RIN2: variants seen among roughly 807,000 people sequenced by gnomAD.
The protein encoded by RIN2 is Ras and Rab interactor 2.
In RIN2, 36 loss-of-function variants were observed where a neutral mutation model predicts 78.0. The observed-to-expected ratio is 0.46, with a 90% CI of 0.35 to 0.61. The LOEUF (loss-of-function observed/expected upper bound fraction) is 0.61. Ranked by LOEUF, RIN2 falls within the 20% of genes least tolerant of loss-of-function variation. RIN2 has a pLI of 0.00. For synonymous variants in RIN2, 466 were observed against 466.8 expected, an observed-to-expected ratio of 1.00 and a Z score of 0.02; for missense variants, 1,087 against 1,159.7, an observed-to-expected ratio of 0.94 and a Z score of 0.91.
At chr20:19,837,002 T>C (rs1007579126) in intron 2 of RIN2, among the ~76,000 whole-genome samples, 2 of 152,150 alleles carry the variant, frequency 1.3e-5, no homozygotes, top group African/African-American at 4.8e-5. Context: ...TTAACTACCA[T>C]TTATTGTATA....
At chr20:19,924,032 C>A (rs940242917) in intron 3 of RIN2, among the ~76,000 whole-genome samples, 9 of 117,546 alleles carry the variant, frequency 7.7e-5, no homozygotes, top group African/African-American at 2.6e-4. Context: ...ACCTTCCATA[C>A]CCCCACCTTC....
intron 2 of RIN2, among the ~76,000 whole-genome samples, chr20:19,836,809 T>G (rs1183079424): frequency 1.3e-5 from 2 of 152,226 alleles, no homozygotes; most frequent in Non-Finnish European, 2.9e-5. Flanking sequence ...TAACATCCTA[T>G]AATCTTGCTG....
intron 8 of RIN2, among the ~76,000 whole-genome samples, chr20:19,973,374 T>G (rs2042167036): frequency 6.6e-6 from 1 of 152,138 alleles, no homozygotes; most frequent in Non-Finnish European, 1.5e-5. Context: ...GACACGGCTG[T>G]CACCACACAG....
intron 3 of RIN2, among the ~76,000 whole-genome samples, chr20:19,905,522 A>G (rs1448899757): frequency 6.6e-6 from 1 of 152,200 alleles, no homozygotes; most frequent in East Asian, 1.9e-4. Flanking sequence ...CAGGAGTTCG[A>G]GACCAGCCTG....
At chr20:19,893,373 C>A (rs1245693184) in intron 3 of RIN2, among the ~76,000 whole-genome samples, 1 of 152,198 alleles carries the variant, frequency 6.6e-6, no homozygotes. Flanking sequence ...TGAGTATTAT[C>A]CCTCTCTTGG....
intron 3 of RIN2, among the ~76,000 whole-genome samples, chr20:19,903,288 C>T (rs2039068025): frequency 6.6e-6 from 1 of 151,920 alleles, no homozygotes; most frequent in Non-Finnish European, 1.5e-5. Flanking sequence ...GGAGGAGCAG[C>T]CAGCGCTCGT....
intron 2 of RIN2, among the ~76,000 whole-genome samples, chr20:19,868,236 G>A (rs761049153): frequency 2.6e-5 from 4 of 152,328 alleles, no homozygotes; most frequent in East Asian, 3.9e-4. Context: ...CACAAACCAC[G>A]CATCGCCTGA....
In RIN2 at chr20:19,798,796, T is replaced by C. The variant is rs74445557; in HGVS notation, c.-162-826T>C. 3.4e-3 allele frequency among the ~76,000 whole-genome samples: 525 copies of C among 152,296 alleles called. 2 individuals are homozygous for C. The highest frequency in any genetic ancestry group is 0.012 in the African/African-American group (485 of 41,552). On this transcript the variant is annotated intron_variant, in intron 1 of 12. Coordinates refer to ENST00000255006, the MANE Select transcript of RIN2 (RefSeq NM_018993.4). ...GGGAACTTGAGCTTTGATCTAATAT[T>C]TGCGTTTTCAAGCAAGGTGACTGCA...
At chr20:19,947,039 A>C (rs76352362) in intron 4 of RIN2, among the ~76,000 whole-genome samples, 3 of 151,590 alleles carry the variant, frequency 2.0e-5, no homozygotes, top group Admixed American at 6.6e-5. Context: ...AAAAAAAAAA[A>C]GCAAATTCAG....
chr20:19,998,326 G>A (rs1469848651), intron 12 of RIN2, among the ~76,000 whole-genome samples: 1 of 151,864 alleles, frequency 6.6e-6, no homozygotes. Context: ...GGTCAGATGA[G>A]GTGGCTCATG....
At chr20:19,971,862 C>T (rs2042118833) in intron 8 of RIN2, among the ~76,000 whole-genome samples, 1 of 150,180 alleles carries the variant, frequency 6.7e-6, no homozygotes. Flanking sequence ...CCACCTTAGC[C>T]TCCCGAGTAG....
chr20:19,954,535 G>T (rs1376000938), intron 4 of RIN2, among the ~76,000 whole-genome samples: 3 of 152,208 alleles, frequency 2.0e-5, no homozygotes, highest in Non-Finnish European at 2.9e-5. Flanking sequence ...CTGACCAGGG[G>T]CTTGACCTTG....
At chr20:19,892,676 C>T (rs1439209960) in intron 3 of RIN2, among the ~76,000 whole-genome samples, 2 of 152,260 alleles carry the variant, frequency 1.3e-5, no homozygotes, top group Admixed American at 6.5e-5. Flanking sequence ...CGCACCCAGC[C>T]TCCTTCCTCT....
intron 6 of RIN2, among the ~76,000 whole-genome samples, chr20:19,961,380 C>T (rs1310341493): frequency 1.3e-5 from 2 of 152,114 alleles, no homozygotes; most frequent in African/African-American, 2.4e-5. Context: ...TGCTGTTCCA[C>T]GATTGGTCAT....
intron 2 of RIN2, among the ~76,000 whole-genome samples, chr20:19,841,041 T>C (rs1290780810): frequency 6.6e-6 from 1 of 152,102 alleles, no homozygotes; most frequent in Non-Finnish European, 1.5e-5. Context: ...CTATGGGTCA[T>C]TTTCAATCCC....
intron 2 of RIN2, among the ~76,000 whole-genome samples, chr20:19,804,659 A>AT (rs201553913): frequency 0.1 from 15,228 of 151,758 alleles, 793 homozygotes; most frequent in South Asian, 0.18. Context: ...CTGAAGTTTT[A>AT]TTTTTTTGTT....
intron 2 of RIN2, among the ~76,000 whole-genome samples, chr20:19,859,352 C>T (rs1053447865): frequency 6.6e-6 from 1 of 152,202 alleles, no homozygotes; most frequent in Non-Finnish European, 1.5e-5. Flanking sequence ...CCTGACTCTA[C>T]CACTTATTAA....
intron 1 of RIN2, 49 bp downstream of exon 1, chr20:19,758,376 A>T (rs1396569913): frequency 6.6e-6 from 1 of 152,272 alleles, no homozygotes; most frequent in Non-Finnish European, 1.5e-5. Flanking sequence ...CCGCACCTAG[A>T]GAGCCCGGAG....
chr20:19,883,059 G>A (rs540408076), intron 2 of RIN2, among the ~76,000 whole-genome samples: 1 of 152,206 alleles, frequency 6.6e-6, no homozygotes, highest in African/African-American at 2.4e-5. Context: ...ATTGTTCAAG[G>A]GTCAACTGTA....
Sources: gnomAD v4.1 joint callset for allele counts (sites outside exome capture counted in the v4.1 genomes callset) on GRCh38, gnomAD v4.1.1 for gene constraint, MANE v1.5 for transcripts, NCBI Gene and HGNC (gene_info 2026-07-23, HGNC 2026-07-21) for gene names.